The following ADAM22 variants were observed in gnomAD, a reference collection of about 807,000 sequenced individuals.
ADAM22 encodes ADAM metallopeptidase domain 22, also known as disintegrin and metalloproteinase domain-containing protein 22.
Under a neutral mutation model 144.6 loss-of-function variants are expected in ADAM22, and 65 were observed. The observed-to-expected ratio is 0.45, with a 90% CI of 0.37 to 0.55. The LOEUF (loss-of-function observed/expected upper bound fraction) is 0.55, where lower values mean the gene tolerates loss of function less well. Among genes scored for constraint, ADAM22 ranks in the 20% least tolerant of loss-of-function variants. The pLI is 0.00. For missense variants in ADAM22, 974 were observed against 1,184.9 expected (o/e 0.82, Z 2.61); for synonymous variants, 391 against 412.6 (o/e 0.95, Z 0.63).
chr7:87,974,087 T>C (rs975235776), intron 2 of ADAM22, among the ~76,000 whole-genome samples: 7 of 143,430 alleles, frequency 4.9e-5, no homozygotes, highest in African/African-American at 1.8e-4. Flanking sequence ...TAAAGTATAA[T>C]AATAATAAAA....
At chr7:88,024,765 T>C (rs1798620336) in intron 3 of ADAM22, among the ~76,000 whole-genome samples, 2 of 142,268 alleles carry the variant, frequency 1.4e-5, no homozygotes, top group African/African-American at 5.2e-5. Context: ...TGTGTTCTCA[T>C]TGTTCAATTC....
At chr7:88,112,112 A>G (rs1585828736) in intron 5 of ADAM22, among the ~76,000 whole-genome samples, 1 of 152,160 alleles carries the variant, frequency 6.6e-6, no homozygotes, top group African/African-American at 2.4e-5. Context: ...ACTCCCTGCC[A>G]TATTTGGTCT....
chr7:87,990,744 C>G (rs956299010), intron 3 of ADAM22, among the ~76,000 whole-genome samples: 1 of 152,136 alleles, frequency 6.6e-6, no homozygotes, highest in Admixed American at 6.5e-5. Context: ...CTCACTGCAA[C>G]CTCTGCCTCC....
intron 4 of ADAM22, among the ~76,000 whole-genome samples, chr7:88,106,037 A>G (rs988848965): frequency 1.3e-5 from 2 of 152,146 alleles, no homozygotes; most frequent in Non-Finnish European, 2.9e-5. Context: ...AATTTGTTTA[A>G]GATTACACAG....
At chr7:88,079,205 A>G (rs1176234428) in intron 4 of ADAM22, among the ~76,000 whole-genome samples, 2 of 152,104 alleles carry the variant, frequency 1.3e-5, no homozygotes, top group East Asian at 1.9e-4. Flanking sequence ...CATTCTTAAA[A>G]ATAAGAATTT....
At chr7:88,009,607 A>T (rs200963777) in intron 3 of ADAM22, among the ~76,000 whole-genome samples, 10 of 151,776 alleles carry the variant, frequency 6.6e-5, no homozygotes, top group South Asian at 2.1e-4. Context: ...AATAAAAAAA[A>T]GTGCATTTAT....
intron 4 of ADAM22, among the ~76,000 whole-genome samples, chr7:88,086,040 G>T (rs1818372861): frequency 6.6e-6 from 1 of 152,096 alleles, no homozygotes; most frequent in African/African-American, 2.4e-5. Context: ...GCTGGGCGTG[G>T]TGGCATGCAC....
intron 22 of ADAM22, among the ~76,000 whole-genome samples, chr7:88,161,223 G>C (rs150503631): frequency 0.07 from 10,411 of 148,770 alleles, 545 homozygotes; most frequent in East Asian, 0.22. Context: ...ATGGGGAAAG[G>C]ACTCCCTATT....
intron 4 of ADAM22, among the ~76,000 whole-genome samples, chr7:88,090,203 G>C (rs1278630911): frequency 6.6e-6 from 1 of 152,152 alleles, no homozygotes; most frequent in Non-Finnish European, 1.5e-5. Flanking sequence ...GGAGATTTAG[G>C]TTAAGGACTC....
intron 3 of ADAM22, among the ~76,000 whole-genome samples, chr7:88,073,851 C>A (rs535187503): frequency 6.6e-6 from 1 of 152,334 alleles, no homozygotes; most frequent in East Asian, 1.9e-4. Flanking sequence ...CTGAGAGATA[C>A]TGGGACAAGT....
At chr7:88,183,162 A>G (rs1347211367) in intron 29 of ADAM22, among the ~76,000 whole-genome samples, 1 of 152,210 alleles carries the variant, frequency 6.6e-6, no homozygotes, top group African/African-American at 2.4e-5. Flanking sequence ...ATGGCATCAT[A>G]GAATTCCATC....
chr7:87,966,997 C>T (rs894588847), intron 2 of ADAM22, among the ~76,000 whole-genome samples: 46 of 152,044 alleles, frequency 3.0e-4, no homozygotes, highest in African/African-American at 1.1e-3. Flanking sequence ...ATGCTATTCT[C>T]ATGATAGTGA....
At chr7:88,055,385 T>G (rs1807932667) in intron 3 of ADAM22, among the ~76,000 whole-genome samples, 1 of 152,170 alleles carries the variant, frequency 6.6e-6, no homozygotes, top group Admixed American at 6.5e-5. Context: ...AATCGCTTTT[T>G]TTTTCTTTCT....
chr7:88,057,540 T>A (rs1198164820), intron 3 of ADAM22, among the ~76,000 whole-genome samples: 1 of 152,184 alleles, frequency 6.6e-6, no homozygotes, highest in African/African-American at 2.4e-5. Context: ...AAGATGACAG[T>A]TTTAAAAATG....
chr7:88,113,720 A>ATATATATATG (rs1826905518), intron 5 of ADAM22, among the ~76,000 whole-genome samples: 6 of 116,304 alleles, frequency 5.2e-5, no homozygotes, highest in African/African-American at 2.1e-4. Flanking sequence ...ATATATATAT[A>ATATATATATG]TATATATATA....
chr7:88,178,247 A>G (rs551118349), intron 26 of ADAM22, among the ~76,000 whole-genome samples: 51 of 152,306 alleles, frequency 3.3e-4, no homozygotes, highest in African/African-American at 8.2e-4. Context: ...ATATACTTCT[A>G]TAGTTTCAGC....
At chr7:87,947,660 C>T (rs544416355) in intron 2 of ADAM22, among the ~76,000 whole-genome samples, 10 of 152,164 alleles carry the variant, frequency 6.6e-5, no homozygotes, top group East Asian at 1.9e-4. Context: ...TCATAGTTAA[C>T]GAGGGAAAAG....
At chr7:88,155,525 G>GAAA (rs797005307) in intron 21 of ADAM22, among the ~76,000 whole-genome samples, 13 of 68,292 alleles carry the variant, frequency 1.9e-4, no homozygotes, top group Admixed American at 1.5e-4. Context: ...CTGACTCTAA[G>GAAA]AAAAAAAAAA....
At chr7:87,962,016 C>T (rs1046772634) in intron 2 of ADAM22, among the ~76,000 whole-genome samples, 6 of 152,156 alleles carry the variant, frequency 3.9e-5, no homozygotes, top group Non-Finnish European at 7.3e-5. Flanking sequence ...ATAGATAATG[C>T]TCATGCAAGT....
Sources: gnomAD v4.1 joint callset for allele counts (sites outside exome capture counted in the v4.1 genomes callset) on GRCh38, gnomAD v4.1.1 for gene constraint, MANE v1.5 for transcripts, NCBI Gene and HGNC (gene_info 2026-07-23, HGNC 2026-07-21) for gene names.